Variants in PRTG observed in about 807,000 individuals in gnomAD.
PRTG encodes immunoglobulin superfamily, DCC subclass, member 5.
PRTG carries 67 observed loss-of-function variants against 122.5 expected under a neutral mutation model. That is an observed-to-expected ratio of 0.55 (90% confidence interval 0.45 to 0.67). The LOEUF (loss-of-function observed/expected upper bound fraction) is 0.67, where lower values mean the gene tolerates loss of function less well. Ranked by LOEUF, PRTG falls within the 30% of genes least tolerant of loss-of-function variation. PRTG has a pLI of 0.00. For missense variants in PRTG, 1,435 were observed against 1,415.4 expected (o/e 1.01, Z -0.22); for synonymous variants, 554 against 501.1 (o/e 1.11, Z -1.41).
intron 16 of PRTG, among the ~76,000 whole-genome samples, chr15:55,627,889 A>G (rs996465633): frequency 6.6e-6 from 1 of 151,974 alleles, no homozygotes; most frequent in Admixed American, 6.6e-5. Context: ...GCCGACTCTG[A>G]CTCACTAAGT....
At chr15:55,693,528 G>C (rs2059616539) in intron 2 of PRTG, among the ~76,000 whole-genome samples, 1 of 151,868 alleles carries the variant, frequency 6.6e-6, no homozygotes, top group East Asian at 1.9e-4. Flanking sequence ...ATAAAAGCCA[G>C]TACAGACCAG....
chr15:55,641,206 G>T lies in PRTG; in HGVS notation c.2044C>A (p.Pro682Thr). 6.2e-7 allele frequency: 1 copy of T among 1,606,552 alleles called. No individual in the cohort carries two copies. Residue 682 changes from proline to threonine, a missense_variant and splice_region_variant, in exon 12 of 20, where the codon CCC becomes ACC. Pro to Thr is a conservative substitution (Grantham distance 38). Transcript: ENST00000389286. Reference protein sequence around the residue: ...DLLYTLSGLDPRRKYHVRLLA... With the variant: ...DLLYTLSGLDTRRKYHVRLLA... ...AGTCTCACATGATATTTTCTTCTGG[G>T]GTCTATAAAGAAACCAATAGGAAAT...
At chr15:55,704,226 T>C (rs1297637953) in intron 2 of PRTG, among the ~76,000 whole-genome samples, 1 of 152,240 alleles carries the variant, frequency 6.6e-6, no homozygotes, top group East Asian at 1.9e-4. Flanking sequence ...TTCTGCTTAA[T>C]AGCTCAACTG....
intron 11 of PRTG, chr15:55,656,205 T>A (rs913449015): frequency 1.6e-5 from 5 of 305,592 alleles, no homozygotes; most frequent in Admixed American, 1.4e-4. Flanking sequence ...CCCACAAGAA[T>A]CCAGGATTAC....
At chr15:55,629,583 T>C (rs976849484) in intron 15 of PRTG, among the ~76,000 whole-genome samples, 1 of 152,086 alleles carries the variant, frequency 6.6e-6, no homozygotes, top group African/African-American at 2.4e-5. Context: ...AGGGTCTTGC[T>C]ACATGGCCCA....
At chr15:55,697,601 C>G (rs1487583832) in intron 2 of PRTG, among the ~76,000 whole-genome samples, 1 of 152,196 alleles carries the variant, frequency 6.6e-6, no homozygotes, top group East Asian at 1.9e-4. Flanking sequence ...AAGCGATTCT[C>G]ATGCCTCAGC....
At chr15:55,664,550 A>G (rs993866344) in intron 11 of PRTG, among the ~76,000 whole-genome samples, 1 of 152,178 alleles carries the variant, frequency 6.6e-6, no homozygotes, top group African/African-American at 2.4e-5. Flanking sequence ...AGTCATACAT[A>G]TGTACGTAAA....
intron 11 of PRTG, among the ~76,000 whole-genome samples, chr15:55,653,384 A>C (rs1380966259): frequency 6.6e-6 from 1 of 152,178 alleles, no homozygotes; most frequent in African/African-American, 2.4e-5. Context: ...GTTTAGAATA[A>C]TTTAGAGGAA....
At chr15:55,702,617 T>C (rs1567106863) in intron 2 of PRTG, among the ~76,000 whole-genome samples, 1 of 152,064 alleles carries the variant, frequency 6.6e-6, no homozygotes, top group East Asian at 1.9e-4. Context: ...CACACAAAAA[T>C]ATTTATCCTA....
In PRTG at chr15:55,625,874, C is replaced by T. The variant is rs185742795; in HGVS notation, c.2927+1134G>A. Among the ~76,000 whole-genome samples the T allele has an allele frequency of 1.5e-3, 227 of 152,132 alleles. 1 individual carries two copies. Among genetic ancestry groups the T allele is most frequent in the Admixed American group, 3.3e-3 (50 of 15,268 alleles). On this transcript the variant is annotated intron_variant, in intron 17 of 19. Transcript: ENST00000389286. ...CCGACCTCAGGTGATCCGCTCACCT[C>T]GGCCTCCCCAAGTGCTGGGATTACA...
intron 11 of PRTG, among the ~76,000 whole-genome samples, chr15:55,658,355 G>A (rs1371474693): frequency 2.0e-5 from 3 of 150,352 alleles, no homozygotes; most frequent in East Asian, 1.9e-4. Flanking sequence ...TTGCTCTGTC[G>A]CCTAAGTTGG....
intron 11 of PRTG, among the ~76,000 whole-genome samples, chr15:55,644,013 C>T (rs1350868237): frequency 1.3e-5 from 2 of 151,984 alleles, no homozygotes; most frequent in African/African-American, 2.4e-5. Context: ...TGCAGGCACA[C>T]ACCACCACAC....
intron 9 of PRTG, among the ~76,000 whole-genome samples, chr15:55,674,803 T>C (rs1034655401): frequency 6.6e-6 from 1 of 152,096 alleles, no homozygotes; most frequent in African/African-American, 2.4e-5. Flanking sequence ...TGATTAAGCA[T>C]GTATTAAATC....
At position 55,615,426 on chromosome 15, in the gene PRTG, A is replaced by T. The variant is rs909785368; in HGVS notation, c.*4586T>A. On this transcript the variant is annotated 3_prime_UTR_variant, in exon 20 of 20. Coordinates refer to ENST00000389286, the MANE Select transcript of PRTG (RefSeq NM_173814.6). ...CGGCTTAAAAAGGGAAATTGAGAAG[A>T]TTAAAGCCTGAAACATACACATTGC... 3 of 152,146 alleles carry T rather than the reference A, an allele frequency of 2.0e-5. No homozygotes were observed. 9.4% of individuals were successfully genotyped at this position (152,146 alleles called of 1,614,324 possible). A position where few individuals can be genotyped will look rare whatever the true frequency, so the allele number is the denominator to read the frequency against.
intron 11 of PRTG, among the ~76,000 whole-genome samples, chr15:55,654,118 G>A (rs772652650): frequency 2.0e-5 from 3 of 152,102 alleles, no homozygotes; most frequent in Non-Finnish European, 4.4e-5. Flanking sequence ...GATCTTCTAC[G>A]TACTTCTCTA....
In PRTG at chr15:55,716,957, G is replaced by A. The variant is rs190320716; in HGVS notation, c.397+23425C>T. Among the ~76,000 whole-genome samples, 18 of 152,190 alleles carry A rather than the reference G, an allele frequency of 1.2e-4. No homozygotes were observed. In the South Asian group the frequency reaches 1.2e-3, roughly 11 times the overall value. On this transcript the variant is annotated intron_variant, in intron 2 of 19. Transcript: ENST00000389286. ...TTCATTCTACAATGGAATTCATGTCGAGGAACATCATCAGGTACAAAATGG... is the reference window on the plus strand; with the variant it reads ...TTCATTCTACAATGGAATTCATGTCAAGGAACATCATCAGGTACAAAATGG...
At chr15:55,694,961 A>AG (rs1452553796) in intron 2 of PRTG, among the ~76,000 whole-genome samples, 17 of 152,196 alleles carry the variant, frequency 1.1e-4, no homozygotes, top group Non-Finnish European at 2.2e-4. Context: ...CTGTGCTGTT[A>AG]AGAGGCCAGA....
intron 11 of PRTG, among the ~76,000 whole-genome samples, chr15:55,672,003 T>C (rs979727715): frequency 4.6e-5 from 7 of 152,210 alleles, no homozygotes; most frequent in Admixed American, 4.6e-4. Context: ...ATGGGTCATA[T>C]GTAAGGGCAT....
chr15:55,613,758 C>A lies in PRTG; in HGVS notation c.*6254G>T, dbSNP rs958806643. 6 of 118,468 alleles carry A rather than the reference C, an allele frequency of 5.1e-5. No homozygotes were observed. Among genetic ancestry groups the A allele is most frequent in the African/African-American group, 1.4e-4 (5 of 35,856 alleles). The allele number at this position is 118,468 out of a possible 1,614,324, so 7.3% of individuals were successfully genotyped here. ...CACTATGACCCTGGGTGATTAAATA[C>A]CTTTTTTTTTTTTTTTTTTTTTTAA... is the stretch of plus-strand genomic sequence containing the variant. On this transcript the variant is annotated 3_prime_UTR_variant, in exon 20 of 20. Coordinates refer to ENST00000389286, the MANE Select transcript of PRTG (RefSeq NM_173814.6).
Sources: allele counts gnomAD v4.1 joint callset (sites outside exome capture counted in the v4.1 genomes callset), GRCh38; gene constraint gnomAD v4.1.1; transcripts MANE v1.5; gene names NCBI Gene and HGNC (gene_info 2026-07-23, HGNC 2026-07-21).